SEC22B: variants seen among roughly 807,000 people sequenced by gnomAD.
The protein encoded by SEC22B is vesicle-trafficking protein SEC22b.
SEC22B carries 10 observed loss-of-function variants against 31.4 expected under a neutral mutation model. The ratio of observed to expected loss-of-function variants is 0.32; its 90% CI spans 0.20 to 0.54. The LOEUF (loss-of-function observed/expected upper bound fraction) is 0.54, where lower values mean the gene tolerates loss of function less well. SEC22B is among the 20% of genes least tolerant of loss of function. The pLI is 0.94. For synonymous variants in SEC22B, 60 were observed against 95.9 expected (o/e 0.63, Z 2.19); for missense variants, 130 against 263.4 (o/e 0.49, Z 3.50).
chr1:120,163,572 T>TTTTTTTTTTG (rs1657753789), intron 2 of SEC22B, among the ~76,000 whole-genome samples: 1 of 130,204 alleles, frequency 7.7e-6, no homozygotes, highest in African/African-American at 4.1e-5. Context: ...ATGTATATTC[T>TTTTTTTTTTG]TTTTTTTTTC....
intron 2 of SEC22B, among the ~76,000 whole-genome samples, chr1:120,168,560 C>T (rs1450394759): frequency 6.6e-6 from 1 of 151,272 alleles, no homozygotes; most frequent in African/African-American, 2.4e-5. Context: ...AGGGTACTAA[C>T]CTACACATAT....
chr1:120,157,424 C>G, intron 4 of SEC22B: 1 of 322,012 alleles, frequency 3.1e-6, no homozygotes, highest in East Asian at 4.7e-5. Flanking sequence ...TGGCCTCAGA[C>G]TCTTTGGTTC....
intron 2 of SEC22B, among the ~76,000 whole-genome samples, chr1:120,167,761 T>C (rs1360941228): frequency 6.6e-6 from 1 of 152,038 alleles, no homozygotes; most frequent in East Asian, 1.9e-4. Context: ...AAATAAAGGA[T>C]GATATGAGAT....
In SEC22B at chr1:120,176,506, G is replaced by C; in HGVS notation, c.-125C>G. 1.2e-6 allele frequency: 1 copy of C among 848,802 alleles called. No individual in the cohort carries two copies. The allele number at this position is 848,802 out of a possible 1,614,324, so 52.6% of individuals were successfully genotyped here. Reference sequence around the variant, plus strand: ...CGGAGATCCAGCTGCTTGCGTCTCCGCTTCCCGCTGAGGTGGCCGGAAACA... The same window carrying C: ...CGGAGATCCAGCTGCTTGCGTCTCCCCTTCCCGCTGAGGTGGCCGGAAACA... On this transcript the variant is annotated 5_prime_UTR_variant, in exon 1 of 5. Transcript: ENST00000578049.
chr1:120,152,680 G>A lies in SEC22B; in HGVS notation c.*4358C>T, dbSNP rs1468305452. 4 of 146,050 alleles carry A rather than the reference G, an allele frequency of 2.7e-5. No homozygotes were observed. Among genetic ancestry groups the A allele is most frequent in the East Asian group, 2.0e-4 (1 of 5,098 alleles). 9.0% of individuals were successfully genotyped at this position (146,050 alleles called of 1,614,324 possible). A position where few individuals can be genotyped will look rare whatever the true frequency, so the allele number is the denominator to read the frequency against. On this transcript the variant is annotated 3_prime_UTR_variant, in exon 5 of 5. Coordinates refer to ENST00000578049, the MANE Select transcript of SEC22B (RefSeq NM_004892.6). ...CTATTTAAAAAGAATAAAGGAAGAC[G>A]TGATAATGAAGTAAATTTAAAAAGT...
At chr1:120,161,550 C>T (rs1218372867) in intron 3 of SEC22B, among the ~76,000 whole-genome samples, 1 of 152,172 alleles carries the variant, frequency 6.6e-6, no homozygotes, top group Non-Finnish European at 1.5e-5. Flanking sequence ...CCGAAATTAG[C>T]TAGCTGGTCA....
In SEC22B at chr1:120,176,461, A is replaced by G; in HGVS notation, c.-80T>C. 1 of 1,272,884 alleles carries G rather than the reference A, an allele frequency of 7.9e-7. No homozygotes were observed. The highest frequency in any genetic ancestry group is 1.2e-5 in the South Asian group (1 of 80,202). The allele number at this position is 1,272,884 out of a possible 1,614,324, so 78.8% of individuals were successfully genotyped here. A position where few individuals can be genotyped will look rare whatever the true frequency, so the allele number is the denominator to read the frequency against. ...CACTTCCTCCGCCGCGACAACAGTT[A>G]TACCCTATGTCTCAGTTACCGGAGA... is the stretch of plus-strand genomic sequence containing the variant. On this transcript the variant is annotated 5_prime_UTR_variant, in exon 1 of 5. Transcript: ENST00000578049.
intron 2 of SEC22B, among the ~76,000 whole-genome samples, chr1:120,167,600 C>T (rs2101130812): frequency 6.6e-6 from 1 of 152,022 alleles, no homozygotes; most frequent in African/African-American, 2.4e-5. Context: ...ATCTAATTTA[C>T]AACATCTTTT....
chr1:120,157,895 A>G (rs1165419621), intron 4 of SEC22B: 2 of 148,740 alleles, frequency 1.3e-5, no homozygotes, highest in Admixed American at 6.6e-5. Context: ...AAAAAAACGC[A>G]AGTAAATTAA....
chr1:120,168,179 A>T (rs1657842220), intron 2 of SEC22B, among the ~76,000 whole-genome samples: 2 of 151,838 alleles, frequency 1.3e-5, no homozygotes, highest in Non-Finnish European at 2.9e-5. Context: ...ATGCTCTTGT[A>T]CTCTTTTCCT....
chr1:120,171,920 G>A (rs1487403110), intron 1 of SEC22B, among the ~76,000 whole-genome samples: 4 of 151,622 alleles, frequency 2.6e-5, no homozygotes, highest in Non-Finnish European at 1.5e-5. Flanking sequence ...TATCGATTAT[G>A]TGCAATTCTG....
In SEC22B at chr1:120,176,366, T is replaced by A. The variant is rs1553230212; in HGVS notation, c.16A>T (p.Met6Leu). Residue 6 changes from methionine (M) to leucine (L), a missense_variant, in exon 1 of 5, where the codon ATG becomes TTG. Physicochemically the swap from Met to Leu is conservative, Grantham distance 15. Around this residue, in one of 4 missense-constraint regions of SEC22B, gnomAD observed 32 missense variants for 26.3 expected, o/e 1.22. Transcript: ENST00000578049. Reference protein sequence around the residue: MVLLTMIARVADGLPL... With the variant: MVLLTLIARVADGLPL... ...AGCCCGTCCGCCACTCGGGCGATCA[T>A]TGTTAGCAACACCATCTTCACAAAC... 7 of 1,613,702 alleles carry A rather than the reference T, an allele frequency of 4.3e-6. No individual in the cohort carries two copies. In the Admixed American group the frequency reaches 6.7e-5, roughly 15 times the overall value.
rs1198811395 is a variant in SEC22B at position 120,175,533 on chromosome 1, C to T, written c.75+774G>A. Reference sequence around the variant, plus strand: ...TCCCAAGCTTGCTCCAGAAACTTGTCTTACTTCAGAAATTTCCACTGTGTT... The same window carrying T: ...TCCCAAGCTTGCTCCAGAAACTTGTTTTACTTCAGAAATTTCCACTGTGTT... On this transcript the variant is annotated intron_variant, in intron 1 of 4. Transcript: ENST00000578049. Among the ~76,000 whole-genome samples, 5 of 152,112 alleles carry T rather than the reference C, an allele frequency of 3.3e-5. No individual in the cohort carries two copies. The East Asian group carries it at 7.7e-4, about 23-fold the overall frequency.
At position 120,151,086 on chromosome 1, in the gene SEC22B, C is replaced by T. The variant is rs1657524028; in HGVS notation, c.*5952G>A. The T allele has an allele frequency of 6.6e-6, 1 of 152,244 alleles. No individual in the cohort carries two copies. Among genetic ancestry groups the T allele is most frequent in the African/African-American group, 2.4e-5 (1 of 41,452 alleles). The allele number at this position is 152,244 out of a possible 1,614,324, so 9.4% of individuals were successfully genotyped here. A position where few individuals can be genotyped will look rare whatever the true frequency, so the allele number is the denominator to read the frequency against. ...TATTACATTGGCAATTGAACTACAACATGAGTTTTGGAGGGGCCAAACAAC... is the reference window on the plus strand; with the variant it reads ...TATTACATTGGCAATTGAACTACAATATGAGTTTTGGAGGGGCCAAACAAC... On this transcript the variant is annotated 3_prime_UTR_variant, in exon 5 of 5. Transcript: ENST00000578049.
rs1379696380 is a variant in SEC22B, at chr1:120,151,941, T to G, written c.*5097A>C. ...GTAGCTCAGGTAAAGGGGTGGCAGG[T>G]GACGCTTAAATACTAGAAATATAAG... On this transcript the variant is annotated 3_prime_UTR_variant, in exon 5 of 5. Transcript: ENST00000578049. 3 of 152,130 alleles carry G rather than the reference T, an allele frequency of 2.0e-5. No individual in the cohort carries two copies. The highest frequency in any genetic ancestry group is 4.8e-5 in the African/African-American group (2 of 41,390). The allele number at this position is 152,130 out of a possible 1,614,324, so 9.4% of individuals were successfully genotyped here. A position where few individuals can be genotyped will look rare whatever the true frequency, so the allele number is the denominator to read the frequency against.
intron 1 of SEC22B, among the ~76,000 whole-genome samples, chr1:120,169,451 C>A (rs1235577565): frequency 6.6e-6 from 1 of 152,326 alleles, no homozygotes; most frequent in Non-Finnish European, 1.5e-5. Context: ...ACTTTGACTG[C>A]AATTACATAA....
intron 2 of SEC22B, among the ~76,000 whole-genome samples, chr1:120,163,973 G>A (rs1411695048): frequency 1.7e-4 from 13 of 78,296 alleles, no homozygotes; most frequent in Non-Finnish European, 2.4e-4. Context: ...TTTTTTTGGA[G>A]ACAGGGCTCT....
chr1:120,168,080 G>C (rs1186871009), intron 2 of SEC22B, among the ~76,000 whole-genome samples: 2 of 151,836 alleles, frequency 1.3e-5, no homozygotes, highest in African/African-American at 4.8e-5. Flanking sequence ...AGTAAACATA[G>C]CAGCTTCCTC....
intron 2 of SEC22B, 71 bp from the exon 3 acceptor site, chr1:120,163,441 T>C (rs1657751641): frequency 9.6e-7 from 1 of 1,036,854 alleles, no homozygotes; most frequent in East Asian, 3.0e-5. Flanking sequence ...TAAAGCAGAA[T>C]CTCTGTACCA....
Sources: gnomAD v4.1 joint callset for allele counts (sites outside exome capture counted in the v4.1 genomes callset) on GRCh38, gnomAD v4.1.1 for gene constraint, gnomAD v4.1.1 regional missense constraint, MANE v1.5 for transcripts, NCBI Gene and HGNC (gene_info 2026-07-23, HGNC 2026-07-21) for gene names.